Variants in SAMD7 observed in about 807,000 individuals in gnomAD.
SAMD7 encodes the protein sterile alpha motif domain-containing protein 7.
A neutral mutation model predicts 36.7 loss-of-function variants in SAMD7; 34 were observed. That is an observed-to-expected ratio of 0.93 (90% CI 0.71 to 1.23). The LOEUF is 1.23. Among genes scored for constraint, SAMD7 ranks in the 50% most tolerant of loss-of-function variants. The probability of loss-of-function intolerance (pLI) is 0.00; values close to 1 mark genes in which losing one functional copy is unlikely to be tolerated. For missense variants in SAMD7, 570 were observed against 546.6 expected (o/e 1.04, Z -0.43); for synonymous variants, 188 against 189.7 (o/e 0.99, Z 0.07).
Position 169,912,745 on chromosome 3 carries a change from G to A in SAMD7, c.-117+924G>A, listed in dbSNP as rs144695832. ...GTCTTCAATGCTTTCCAGGGTATGT[G>A]CTATGGTGAAATGCAGTTAGAAAAG... On this transcript the variant is annotated intron_variant, in intron 1 of 8. Transcript: ENST00000335556. 4.8e-3 allele frequency among the ~76,000 whole-genome samples: 730 copies of A among 152,280 alleles called. 4 individuals carry two copies. Among genetic ancestry groups the A allele is most frequent in the African/African-American group, 0.017 (691 of 41,548 alleles).
At position 169,938,447 on chromosome 3, in the gene SAMD7, T is replaced by A; in HGVS notation, c.1282T>A (p.Phe428Ile). 6.2e-7 allele frequency: 1 copy of A among 1,613,384 alleles called. No individual in the cohort carries two copies. The highest frequency in any genetic ancestry group is 1.1e-5 in the South Asian group (1 of 91,062). The change falls in exon 9 of 9, where the codon TTT (phenylalanine) becomes ATT (isoleucine). Residue 428 changes from phenylalanine (F) to isoleucine (I), a missense_variant. Physicochemically the swap from Phe to Ile is conservative, Grantham distance 21. Coordinates refer to ENST00000335556, the MANE Select transcript of SAMD7 (RefSeq NM_001304366.2). ...TTCCTGGAGTGATACAATGAACATT[T>A]TTTGTCCCCAGGATACAATAATTCC... ...PNSWSDTMNI[F>I]CPQDTIIPKG...
rs73178422 is a variant in SAMD7, at chr3:169,924,944, G to T, written c.212-114G>T. On this transcript the variant is annotated intron_variant, in intron 4 of 8. Coordinates refer to ENST00000335556, the MANE Select transcript of SAMD7 (RefSeq NM_001304366.2). ...ATTTCCAAAATTGTGCGCAATTGCT[G>T]GTTTGTTTTTTTTTTTTCAGATACT... is the stretch of plus-strand genomic sequence containing the variant. 692 of 694,346 alleles carry T rather than the reference G, an allele frequency of 1.0e-3. 3 individuals carry two copies. Among genetic ancestry groups the T allele is most frequent in the Non-Finnish European group, 1.5e-3 (630 of 421,212 alleles). 43.0% of individuals were successfully genotyped at this position (694,346 alleles called of 1,614,324 possible). A position where few individuals can be genotyped will look rare whatever the true frequency, so the allele number is the denominator to read the frequency against.
At chr3:169,913,393 C>T (rs776580640) in intron 1 of SAMD7, among the ~76,000 whole-genome samples, 1 of 152,118 alleles carries the variant, frequency 6.6e-6, no homozygotes, top group Non-Finnish European at 1.5e-5. Flanking sequence ...GAAATCATTC[C>T]GTGAATATCT....
chr3:169,912,166 G>T (rs1431058493), intron 1 of SAMD7, among the ~76,000 whole-genome samples: 1 of 152,084 alleles, frequency 6.6e-6, no homozygotes, highest in East Asian at 1.9e-4. Flanking sequence ...AACAGATGAA[G>T]TACCTACCTC....
intron 6 of SAMD7, among the ~76,000 whole-genome samples, chr3:169,927,790 T>G (rs1713336616): frequency 6.6e-6 from 1 of 152,214 alleles, no homozygotes. Context: ...TAATGTAATT[T>G]AGTGTTCATT....
chr3:169,930,417 C>T (rs536447932), intron 7 of SAMD7, among the ~76,000 whole-genome samples: 1 of 152,218 alleles, frequency 6.6e-6, no homozygotes, highest in South Asian at 2.1e-4. Context: ...TGTGCCTGCC[C>T]CCAGCTATGC....
chr3:169,922,547 T>A (rs1288772058), intron 4 of SAMD7, among the ~76,000 whole-genome samples: 1 of 152,270 alleles, frequency 6.6e-6, no homozygotes, highest in African/African-American at 2.4e-5. Flanking sequence ...TTGCCCAGGC[T>A]GGAGTGCAAT....
chr3:169,926,385 T>G, intron 5 of SAMD7, 168 bp from the exon 6 acceptor site: 1 of 1,179,534 alleles, frequency 8.5e-7, no homozygotes, highest in South Asian at 1.6e-5. Flanking sequence ...AAGCTTCAGA[T>G]CTTACTCAAA....
intron 4 of SAMD7, among the ~76,000 whole-genome samples, chr3:169,922,499 TG>T (rs369260765): frequency 3.5e-4 from 53 of 152,322 alleles, no homozygotes; most frequent in African/African-American, 1.3e-3. Flanking sequence ...TCACCTTTTT[TG>T]TTGTTGTTGT....
At chr3:169,918,020 C>T (rs1409960293) in intron 2 of SAMD7, among the ~76,000 whole-genome samples, 1 of 151,986 alleles carries the variant, frequency 6.6e-6, no homozygotes, top group African/African-American at 2.4e-5. Flanking sequence ...TCAACGCAAC[C>T]TCCACTTCCC....
At chr3:169,927,239 G>A in intron 6 of SAMD7, 58 bp downstream of exon 6, 1 of 1,240,742 alleles carries the variant, frequency 8.1e-7, no homozygotes, top group Non-Finnish European at 1.1e-6. Flanking sequence ...CAAGTCCGTA[G>A]GTTACTACAT....
Position 169,938,569 on chromosome 3 carries a change from G to A in SAMD7, c.*63G>A, listed in dbSNP as rs79041502. On this transcript the variant is annotated 3_prime_UTR_variant, in exon 9 of 9. Coordinates refer to ENST00000335556, the MANE Select transcript of SAMD7 (RefSeq NM_001304366.2). ...CCAAAGAGCCTAGGATATTACAAAG[G>A]ATGTGTGAGGATTTCCCAGTACTGG... The A allele has an allele frequency of 9.9e-4, 1,016 of 1,021,982 alleles. 9 individuals carry two copies. The East Asian group carries it at 0.024, about 25-fold the overall frequency. 63.3% of individuals were successfully genotyped at this position (1,021,982 alleles called of 1,614,324 possible). A position where few individuals can be genotyped will look rare whatever the true frequency, so the allele number is the denominator to read the frequency against.
intron 1 of SAMD7, among the ~76,000 whole-genome samples, chr3:169,914,096 T>A (rs1265618359): frequency 1.3e-5 from 2 of 152,166 alleles, no homozygotes; most frequent in Non-Finnish European, 2.9e-5. Context: ...ACATGTAAAC[T>A]ATGAATTTTG....
chr3:169,917,531 G>A (rs1390029799), intron 2 of SAMD7, among the ~76,000 whole-genome samples: 4 of 152,008 alleles, frequency 2.6e-5, no homozygotes, highest in African/African-American at 9.7e-5. Context: ...AATCACATCA[G>A]GGTAAACGGC....
chr3:169,937,340 C>G (rs527336009), intron 8 of SAMD7, among the ~76,000 whole-genome samples: 1 of 152,128 alleles, frequency 6.6e-6, no homozygotes, highest in East Asian at 1.9e-4. Context: ...TTTGCTGCAC[C>G]TATCAACCCA....
intron 4 of SAMD7, among the ~76,000 whole-genome samples, chr3:169,923,728 G>C (rs928832360): frequency 7.9e-5 from 12 of 152,112 alleles, no homozygotes; most frequent in Admixed American, 7.9e-4. Context: ...GACTTACTTA[G>C]GTCAGGTCTC....
At chr3:169,915,760 T>C (rs536797153) in intron 2 of SAMD7, among the ~76,000 whole-genome samples, 2 of 151,936 alleles carry the variant, frequency 1.3e-5, no homozygotes, top group South Asian at 2.1e-4. Flanking sequence ...GTATTTTTAG[T>C]AGAGACGGGG....
chr3:169,917,939 C>G (rs527880544), intron 2 of SAMD7, among the ~76,000 whole-genome samples: 1 of 148,144 alleles, frequency 6.8e-6, no homozygotes, highest in Non-Finnish European at 1.5e-5. Flanking sequence ...CTGCACCCGG[C>G]CTGTTTGTTT....
In SAMD7 at chr3:169,938,530, T is replaced by C. The variant is rs143267300; in HGVS notation, c.*24T>C. On this transcript the variant is annotated 3_prime_UTR_variant, in exon 9 of 9. Coordinates refer to ENST00000335556, the MANE Select transcript of SAMD7 (RefSeq NM_001304366.2). ...AAAAGCCCTCAAGGAGGAAGAATAG[T>C]CTTAGCCAGTTTTCCAAAGAGCCTA... 322 of 1,482,414 alleles carry C rather than the reference T, an allele frequency of 2.2e-4. No individual in the cohort carries two copies. In the African/African-American group the frequency reaches 3.6e-3, roughly 16 times the overall value. The allele number at this position is 1,482,414 out of a possible 1,614,324, so 91.8% of individuals were successfully genotyped here. A position where few individuals can be genotyped will look rare whatever the true frequency, so the allele number is the denominator to read the frequency against.
Sources: gnomAD v4.1 joint callset for allele counts (sites outside exome capture counted in the v4.1 genomes callset) on GRCh38, gnomAD v4.1.1 for gene constraint, MANE v1.5 for transcripts, NCBI Gene and HGNC (gene_info 2026-07-23, HGNC 2026-07-21) for gene names.